The following AOAH variants were observed in gnomAD, a reference collection of about 807,000 sequenced individuals.
The protein encoded by AOAH is acyloxyacyl hydrolase (neutrophil).
A neutral mutation model predicts 92.2 loss-of-function variants in AOAH; 64 were observed. The ratio of observed to expected loss-of-function variants is 0.69; its 90% CI spans 0.57 to 0.86. The LOEUF (loss-of-function observed/expected upper bound fraction) is 0.86, where lower values mean the gene tolerates loss of function less well. Ranked by LOEUF, AOAH falls within the 40% of genes least tolerant of loss-of-function variation. AOAH has a pLI of 0.00. For synonymous variants in AOAH, 263 were observed against 254.5 expected (o/e 1.03, Z -0.32); for missense variants, 656 against 694.6 (o/e 0.94, Z 0.62).
chr7:36,658,430 C>A (rs1407678346), intron 4 of AOAH, among the ~76,000 whole-genome samples: 3 of 152,090 alleles, frequency 2.0e-5, no homozygotes, highest in African/African-American at 4.8e-5. Context: ...TATTCTGTGG[C>A]CTAACTGGAT....
intron 6 of AOAH, among the ~76,000 whole-genome samples, chr7:36,631,358 A>T (rs926013060): frequency 6.6e-6 from 1 of 151,922 alleles, no homozygotes; most frequent in African/African-American, 2.4e-5. Flanking sequence ...CTCAAAAAAA[A>T]AAAAAAAGAA....
chr7:36,560,539 T>C (rs1787188424), intron 13 of AOAH, among the ~76,000 whole-genome samples: 1 of 152,208 alleles, frequency 6.6e-6, no homozygotes, highest in Non-Finnish European at 1.5e-5. Flanking sequence ...AGCTTGAATG[T>C]TATAGATATA....
rs780876961 is a variant in AOAH at position 36,565,933 on chromosome 7, T to C, written c.1021+10641A>G. Among the ~76,000 whole-genome samples the C allele has an allele frequency of 5.2e-4, 79 of 152,184 alleles. 2 individuals carry two copies. Among genetic ancestry groups the C allele is most frequent in the Non-Finnish European group, 1.6e-4 (11 of 68,032 alleles). ...CCTGATCTATAGACCTTATTTAAAT[T>C]TCACTAACTGTTCCACTAATGACCG... On this transcript the variant is annotated intron_variant, in intron 13 of 20. Transcript: ENST00000617537.
rs144308019 is a variant in AOAH at position 36,517,206 on chromosome 7, C to CT, written c.1600-3827dup. ...TCTTTCTTTCTTTCTTTCTTTCTTT[C>CT]TTTCTTTCTCTTTCTTTCTGTCTCT... is the stretch of plus-strand genomic sequence containing the variant. On this transcript the variant is annotated intron_variant, in intron 20 of 20. Coordinates refer to ENST00000617537, the MANE Select transcript of AOAH (RefSeq NM_001637.4). Among the ~76,000 whole-genome samples the CT allele has an allele frequency of 2.7e-3, 127 of 47,244 alleles. 4 individuals are homozygous for CT. The highest frequency in any genetic ancestry group is 5.7e-3 in the African/African-American group (111 of 19,332). 31.0% of individuals were successfully genotyped at this position (47,244 alleles called of 152,430 possible). A position where few individuals can be genotyped will look rare whatever the true frequency, so the allele number is the denominator to read the frequency against.
intron 15 of AOAH, among the ~76,000 whole-genome samples, chr7:36,546,929 T>C (rs1161851837): frequency 6.6e-6 from 1 of 152,138 alleles, no homozygotes; most frequent in Non-Finnish European, 1.5e-5. Context: ...ACTGTATATT[T>C]TAAAAAGTGA....
chr7:36,717,929 C>T (rs1161181531), intron 1 of AOAH, among the ~76,000 whole-genome samples: 2 of 151,526 alleles, frequency 1.3e-5, no homozygotes, highest in East Asian at 3.9e-4. Context: ...ACCAAAAATA[C>T]AAGAGACAAA....
At chr7:36,685,266 A>C (rs1796929990) in intron 2 of AOAH, among the ~76,000 whole-genome samples, 1 of 152,216 alleles carries the variant, frequency 6.6e-6, no homozygotes, top group Non-Finnish European at 1.5e-5. Flanking sequence ...GACACATCAA[A>C]CATTTAAATA....
chr7:36,532,876 T>C (rs1043618908), intron 16 of AOAH, among the ~76,000 whole-genome samples: 1 of 152,104 alleles, frequency 6.6e-6, no homozygotes. Context: ...GACCACGTAG[T>C]TCCCTGCAGT....
rs1178300070 is a variant in AOAH at position 36,616,456 on chromosome 7, A to AT, written c.769dup (p.Ile257AsnfsTer17). 1.2e-6 allele frequency: 2 copies of AT among 1,613,962 alleles called. No homozygotes were observed. The highest frequency in any genetic ancestry group is 1.7e-6 in the Non-Finnish European group (2 of 1,179,960). ...CCCAGCTGAGTCTCCCAGCAAAATG[A>AT]TTCCCCTGGGCTGTGAACCTAGGCA... On this transcript the variant is annotated frameshift_variant, in exon 11 of 21. Coordinates refer to ENST00000617537, the MANE Select transcript of AOAH (RefSeq NM_001637.4). LOFTEE classifies it high-confidence loss of function.
At chr7:36,689,678 GC>G (rs1369458878) in intron 1 of AOAH, among the ~76,000 whole-genome samples, 2 of 152,204 alleles carry the variant, frequency 1.3e-5, no homozygotes, top group African/African-American at 4.8e-5. Context: ...CAGGAGAAGA[GC>G]TGGTGAGAGA....
chr7:36,520,220 C>T (rs902459182), intron 20 of AOAH, among the ~76,000 whole-genome samples: 5 of 152,186 alleles, frequency 3.3e-5, no homozygotes, highest in South Asian at 4.1e-4. Context: ...GAGTCAGGGA[C>T]GGAATGGTCA....
intron 13 of AOAH, among the ~76,000 whole-genome samples, chr7:36,554,200 A>G (rs958933811): frequency 1.3e-5 from 2 of 152,220 alleles, no homozygotes; most frequent in African/African-American, 2.4e-5. Context: ...CTTTCTGCAT[A>G]TGGCTAGCCA....
chr7:36,553,945 C>G (rs1050733010), intron 13 of AOAH, among the ~76,000 whole-genome samples: 18 of 152,190 alleles, frequency 1.2e-4, no homozygotes, highest in Non-Finnish European at 2.5e-4. Flanking sequence ...CCTGTTCACT[C>G]TGATGGTAGT....
chr7:36,637,987 T>C (rs915365192), intron 4 of AOAH, 77 bp from the exon 5 acceptor site: 8 of 1,231,690 alleles, frequency 6.5e-6, no homozygotes, highest in South Asian at 1.3e-5. Context: ...AATTAGGATA[T>C]TTAAAGTCCA....
At chr7:36,533,699 GTT>G (rs1491114775) in intron 16 of AOAH, among the ~76,000 whole-genome samples, 237 of 121,128 alleles carry the variant, frequency 2.0e-3, no homozygotes, top group Middle Eastern at 8.2e-3. Flanking sequence ...GTGTGTGTGT[GTT>G]TGTGTGTGTG....
chr7:36,582,503 A>G (rs1245605198), intron 12 of AOAH, among the ~76,000 whole-genome samples: 1 of 152,216 alleles, frequency 6.6e-6, no homozygotes, highest in African/African-American at 2.4e-5. Flanking sequence ...GTAAAACTCA[A>G]ACAGAATGGC....
intron 15 of AOAH, 118 bp downstream of exon 15, chr7:36,548,493 TA>T: frequency 2.3e-6 from 2 of 877,076 alleles, no homozygotes; most frequent in Non-Finnish European, 3.7e-6. Flanking sequence ...GCCGTGCTTC[TA>T]AGATAGAGAA....
chr7:36,723,348 C>T (rs1283309615), intron 1 of AOAH, among the ~76,000 whole-genome samples: 2 of 151,626 alleles, frequency 1.3e-5, no homozygotes, highest in Non-Finnish European at 2.9e-5. Context: ...AAAAAACAAA[C>T]AAAAAAAACC....
intron 1 of AOAH, among the ~76,000 whole-genome samples, chr7:36,711,544 G>A (rs144604017): frequency 1.3e-5 from 2 of 152,034 alleles, no homozygotes; most frequent in Non-Finnish European, 2.9e-5. Flanking sequence ...GCAGACAGGT[G>A]GTGAAAAATT....
Sources: allele counts gnomAD v4.1 joint callset (sites outside exome capture counted in the v4.1 genomes callset), GRCh38; gene constraint gnomAD v4.1.1; transcripts MANE v1.5; gene names NCBI Gene and HGNC (gene_info 2026-07-23, HGNC 2026-07-21).